Variants in CNTLN observed in about 807,000 individuals in gnomAD.
CNTLN encodes the protein centlein, centrosomal protein.
CNTLN carries 212 observed loss-of-function variants against 180.0 expected under a neutral mutation model. The observed-to-expected ratio is 1.18, with a 90% CI of 1.05 to 1.32. The LOEUF (loss-of-function observed/expected upper bound fraction) is 1.32, where lower values mean the gene tolerates loss of function less well. Ranked by LOEUF, CNTLN falls within the 40% of genes most tolerant of loss-of-function variation. CNTLN has a pLI of 0.00. For synonymous variants in CNTLN, 722 were observed against 563.1 expected, an observed-to-expected ratio of 1.28 and a Z score of -3.99; for missense variants, 2,095 against 1,610.9, an observed-to-expected ratio of 1.30 and a Z score of -5.14.
At chr9:17,203,180 T>G (rs1701101108) in intron 2 of CNTLN, among the ~76,000 whole-genome samples, 1 of 152,222 alleles carries the variant, frequency 6.6e-6, no homozygotes, top group South Asian at 2.1e-4. Context: ...CTGTTCTGGC[T>G]TGTAAGGTTT....
chr9:17,146,153 G>T (rs1007137883), intron 2 of CNTLN, among the ~76,000 whole-genome samples: 3 of 151,982 alleles, frequency 2.0e-5, no homozygotes, highest in Non-Finnish European at 2.9e-5. Context: ...AGCCTTTGGT[G>T]GGCCTTTCCA....
chr9:17,273,584 T>C, intron 5 of CNTLN, 149 bp from the exon 6 acceptor site: 1 of 445,006 alleles, frequency 2.2e-6, no homozygotes, highest in East Asian at 3.8e-5. Flanking sequence ...GGTATAAAAG[T>C]TATTGTTTGT....
chr9:17,285,498 A>T (rs1192181652), intron 6 of CNTLN, among the ~76,000 whole-genome samples: 43 of 142,072 alleles, frequency 3.0e-4, no homozygotes, highest in African/African-American at 1.2e-3. Flanking sequence ...AGCATGATTT[A>T]TAGTTCTTTG....
At chr9:17,420,616 GTTT>G (rs36118191) in intron 18 of CNTLN, among the ~76,000 whole-genome samples, 2,770 of 151,718 alleles carry the variant, frequency 0.018, 79 homozygotes, top group African/African-American at 0.064. Context: ...GTTTGCTCTA[GTTT>G]TTCTAGTTCT....
chr9:17,409,541 G>A, intron 16 of CNTLN, 68 bp downstream of exon 16: 1 of 1,120,432 alleles, frequency 8.9e-7, no homozygotes, highest in Non-Finnish European at 1.3e-6. Flanking sequence ...TATAACTTAA[G>A]TAAATAAATG....
intron 5 of CNTLN, among the ~76,000 whole-genome samples, chr9:17,249,600 C>T (rs996297053): frequency 5.9e-5 from 9 of 151,946 alleles, no homozygotes; most frequent in South Asian, 2.1e-4. Flanking sequence ...CTGCCTTCCT[C>T]GGCCCCCCAA....
intron 24 of CNTLN, among the ~76,000 whole-genome samples, chr9:17,485,681 GCA>G (rs1832855072): frequency 6.6e-6 from 1 of 152,030 alleles, no homozygotes; most frequent in South Asian, 2.1e-4. Flanking sequence ...CACAGATTTA[GCA>G]CAGTGTCTCA....
At chr9:17,406,804 T>C (rs368760363) in intron 15 of CNTLN, among the ~76,000 whole-genome samples, 3 of 151,866 alleles carry the variant, frequency 2.0e-5, no homozygotes, top group Admixed American at 1.3e-4. Flanking sequence ...TAAAGAATTA[T>C]AAAGAGAAGG....
At chr9:17,212,856 T>C (rs1483876778) in intron 2 of CNTLN, among the ~76,000 whole-genome samples, 1 of 152,252 alleles carries the variant, frequency 6.6e-6, no homozygotes, top group Non-Finnish European at 1.5e-5. Flanking sequence ...GTGTTTATAG[T>C]ATTCTCTGAT....
At chr9:17,290,384 G>A (rs1176720974) in intron 6 of CNTLN, among the ~76,000 whole-genome samples, 78 of 149,356 alleles carry the variant, frequency 5.2e-4, no homozygotes, top group Admixed American at 1.7e-3. Context: ...CTCCAGCTGC[G>A]TGCTGGGAGA....
intron 2 of CNTLN, among the ~76,000 whole-genome samples, chr9:17,180,622 C>T (rs1219465745): frequency 1.3e-5 from 2 of 151,636 alleles, no homozygotes; most frequent in African/African-American, 4.8e-5. Flanking sequence ...AGATTTTTGC[C>T]TTTACTCTTT....
intron 2 of CNTLN, among the ~76,000 whole-genome samples, chr9:17,212,995 C>A (rs1341184212): frequency 6.6e-6 from 1 of 151,990 alleles, no homozygotes; most frequent in African/African-American, 2.4e-5. Context: ...TGGATCTTTT[C>A]AAAAAACCAG....
chr9:17,295,997 AGT>A (rs66515360), intron 6 of CNTLN, among the ~76,000 whole-genome samples: 25,366 of 89,648 alleles, frequency 0.28, 2,341 homozygotes, highest in Non-Finnish European at 0.32. Context: ...AGAGAGAGAG[AGT>A]GTGTGTGTGT....
chr9:17,412,325 C>T lies in CNTLN; in HGVS notation c.2796+2852C>T, dbSNP rs917919718. ...GTTCTAATACTTGAAATATAATAGC[C>T]AAAATGTCCAGGATACAATTGAAAA... On this transcript the variant is annotated intron_variant, in intron 16 of 25. Transcript: ENST00000380647. 2.6e-5 allele frequency among the ~76,000 whole-genome samples: 4 copies of T among 152,150 alleles called. No homozygotes were observed. In the South Asian group the frequency reaches 8.3e-4, roughly 32 times the overall value.
At chr9:17,234,175 G>C (rs552290136) in intron 3 of CNTLN, among the ~76,000 whole-genome samples, 33 of 151,978 alleles carry the variant, frequency 2.2e-4, no homozygotes, top group Admixed American at 5.2e-4. Flanking sequence ...AGAGTATTGG[G>C]GTTGGGCACG....
chr9:17,234,192 C>T (rs1824992241), intron 3 of CNTLN, among the ~76,000 whole-genome samples: 1 of 151,996 alleles, frequency 6.6e-6, no homozygotes, highest in Non-Finnish European at 1.5e-5. Flanking sequence ...CACGGTGGCT[C>T]ACACCTGTTA....
At chr9:17,300,940 C>A (rs646025) in intron 7 of CNTLN, 133,385 of 972,690 alleles carry the variant, frequency 0.14, 9,760 homozygotes, top group South Asian at 0.27. Flanking sequence ...CTTTATTCTA[C>A]AACTCTTACA....
At chr9:17,445,716 G>A (rs1410124060) in intron 18 of CNTLN, among the ~76,000 whole-genome samples, 1 of 152,082 alleles carries the variant, frequency 6.6e-6, no homozygotes, top group East Asian at 1.9e-4. Context: ...CTCCCCATGT[G>A]ATAGTCTGAA....
intron 7 of CNTLN, among the ~76,000 whole-genome samples, chr9:17,306,266 C>T (rs1480117478): frequency 6.6e-6 from 1 of 151,508 alleles, no homozygotes; most frequent in Non-Finnish European, 1.5e-5. Flanking sequence ...TCTCCTGCCT[C>T]AGCCTCCCGA....
Sources: allele counts gnomAD v4.1 joint callset (sites outside exome capture counted in the v4.1 genomes callset), GRCh38; gene constraint gnomAD v4.1.1; transcripts MANE v1.5; gene names NCBI Gene and HGNC (gene_info 2026-07-23, HGNC 2026-07-21).